The following C12orf56 variants were observed in gnomAD, a reference collection of about 807,000 sequenced individuals.
C12orf56 encodes chromosome 12 open reading frame 56, also known as uncharacterized protein C12orf56.
C12orf56 carries 71 observed loss-of-function variants against 69.9 expected under a neutral mutation model. The ratio of observed to expected loss-of-function variants is 1.02; its 90% CI spans 0.84 to 1.24. The LOEUF (loss-of-function observed/expected upper bound fraction) is 1.24, where lower values mean the gene tolerates loss of function less well. Ranked by LOEUF, C12orf56 falls within the 50% of genes most tolerant of loss-of-function variation. The pLI is 0.00. For synonymous variants in C12orf56, 276 were observed against 274.1 expected (o/e 1.01, Z -0.07); for missense variants, 732 against 738.5 (o/e 0.99, Z 0.10).
chr12:64,311,549 TG>T (rs1302487836), intron 5 of C12orf56, among the ~76,000 whole-genome samples: 1 of 152,012 alleles, frequency 6.6e-6, no homozygotes, highest in Non-Finnish European at 1.5e-5. Flanking sequence ...CTTGATGAGT[TG>T]AAGTTATTCA....
At chr12:64,346,694 G>A (rs988658364) in intron 2 of C12orf56, among the ~76,000 whole-genome samples, 4 of 152,046 alleles carry the variant, frequency 2.6e-5, no homozygotes, top group Admixed American at 2.6e-4. Flanking sequence ...TCACATGATT[G>A]GTTCCTCTGG....
At position 64,266,635 on chromosome 12, in the gene C12orf56, G is replaced by A. The variant is rs1205617347; in HGVS notation, c.*548C>T. The A allele has an allele frequency of 4.7e-6, 4 of 850,702 alleles. No individual in the cohort carries two copies. The highest frequency in any genetic ancestry group is 3.8e-5 in the East Asian group (1 of 26,614). The allele number at this position is 850,702 out of a possible 1,614,324, so 52.7% of individuals were successfully genotyped here. A position where few individuals can be genotyped will look rare whatever the true frequency, so the allele number is the denominator to read the frequency against. On this transcript the variant is annotated 3_prime_UTR_variant, in exon 13 of 13. Coordinates refer to ENST00000543942, the MANE Select transcript of C12orf56 (RefSeq NM_001170633.2). Reference sequence around the variant, plus strand: ...TTTGGATGGCTCTGAGTACAGAATCGGGTGAAGAGCATGCTCCTGTGCCTG... The same window carrying A: ...TTTGGATGGCTCTGAGTACAGAATCAGGTGAAGAGCATGCTCCTGTGCCTG...
intron 2 of C12orf56, among the ~76,000 whole-genome samples, chr12:64,350,947 G>A (rs976338264): frequency 1.3e-5 from 2 of 151,194 alleles, no homozygotes; most frequent in African/African-American, 4.9e-5. Context: ...TTATACATTT[G>A]TCATGAAATT....
At chr12:64,343,087 A>T (rs7485996) in intron 2 of C12orf56, among the ~76,000 whole-genome samples, 1 of 151,978 alleles carries the variant, frequency 6.6e-6, no homozygotes, top group Non-Finnish European at 1.5e-5. Flanking sequence ...CCAAAATTCA[A>T]ATAGGCCCAC....
chr12:64,341,017 G>T (rs943782366), intron 2 of C12orf56, among the ~76,000 whole-genome samples: 1 of 152,188 alleles, frequency 6.6e-6, no homozygotes, highest in Admixed American at 6.5e-5. Context: ...TAACTCCATT[G>T]TGGAGTTGTA....
chr12:64,345,063 GTC>G (rs2039122396), intron 2 of C12orf56, among the ~76,000 whole-genome samples: 1 of 152,028 alleles, frequency 6.6e-6, no homozygotes, highest in Admixed American at 6.6e-5. Context: ...CCATTCCCAT[GTC>G]TGTTCTCCAG....
At chr12:64,314,515 T>G (rs1300744140) in intron 4 of C12orf56, among the ~76,000 whole-genome samples, 3 of 152,262 alleles carry the variant, frequency 2.0e-5, no homozygotes, top group African/African-American at 7.2e-5. Flanking sequence ...ATTTCTCATT[T>G]ATTCTGGGTC....
rs756154476 is a variant in C12orf56, at chr12:64,270,684, C to T, written c.1615G>A (p.Val539Met). Residue 539 changes from valine to methionine, a missense_variant, in exon 12 of 13, where the codon GTG becomes ATG. Val to Met is a conservative substitution (Grantham distance 21, BLOSUM62 1). Coordinates refer to ENST00000543942, the MANE Select transcript of C12orf56 (RefSeq NM_001170633.2). ...AATGAAGCTGAAAGACCCCTCACCA[C>T]TTGTTTCACAATACTGGCCACAAAA... is the stretch of plus-strand genomic sequence containing the variant. ...ITFVASIVKQVVRGLSASFQL... is the reference protein window; with the variant it reads ...ITFVASIVKQMVRGLSASFQL... The T allele has an allele frequency of 8.1e-6, 13 of 1,612,038 alleles. No homozygotes were observed. The South Asian group carries it at 8.8e-5, about 11-fold the overall frequency.
chr12:64,266,551 G>A lies in C12orf56; in HGVS notation c.*632C>T, dbSNP rs910886164. 5.0e-5 allele frequency: 15 copies of A among 302,602 alleles called. No homozygotes were observed. Among genetic ancestry groups the A allele is most frequent in the Non-Finnish European group, 7.4e-5 (11 of 148,774 alleles). 18.7% of individuals were successfully genotyped at this position (302,602 alleles called of 1,614,324 possible). A position where few individuals can be genotyped will look rare whatever the true frequency, so the allele number is the denominator to read the frequency against. ...GTAATTCCAGAAGTGGCGTGGATGC[G>A]CCAGGCCCTGCTGGTGGTGGACATA... On this transcript the variant is annotated 3_prime_UTR_variant, in exon 13 of 13. Transcript: ENST00000543942.
chr12:64,287,261 A>AAG (rs1565739421), intron 6 of C12orf56, among the ~76,000 whole-genome samples: 6 of 67,582 alleles, frequency 8.9e-5, no homozygotes, highest in Admixed American at 1.9e-4. Context: ...AAAAAAAAAA[A>AAG]AAGAAGAAGA....
chr12:64,354,362 C>A (rs1236304506), intron 1 of C12orf56, among the ~76,000 whole-genome samples: 1 of 152,120 alleles, frequency 6.6e-6, no homozygotes, highest in African/African-American at 2.4e-5. Context: ...ATCACTGGAG[C>A]CCAGGAGTTG....
chr12:64,320,294 C>T (rs916688952), intron 3 of C12orf56, among the ~76,000 whole-genome samples: 2 of 152,080 alleles, frequency 1.3e-5, no homozygotes, highest in African/African-American at 4.8e-5. Context: ...ATCTTGGAAG[C>T]GGCCTGCCTT....
At chr12:64,285,098 T>C (rs985028480) in intron 7 of C12orf56, among the ~76,000 whole-genome samples, 23 of 151,452 alleles carry the variant, frequency 1.5e-4, no homozygotes, top group Non-Finnish European at 3.4e-4. Context: ...AAAAGTTAGC[T>C]GAGTGTGGAG....
chr12:64,333,280 C>T (rs988773782), intron 2 of C12orf56, among the ~76,000 whole-genome samples: 13 of 152,110 alleles, frequency 8.5e-5, no homozygotes, highest in Non-Finnish European at 1.8e-4. Context: ...GAAAGGAGGA[C>T]GAGATTACCG....
chr12:64,376,311 T>A (rs1236957696), intron 1 of C12orf56, among the ~76,000 whole-genome samples: 1 of 152,182 alleles, frequency 6.6e-6, no homozygotes, highest in Non-Finnish European at 1.5e-5. Context: ...GAAAATGCTT[T>A]CCAAGAGTTC....
chr12:64,389,951 C>A lies in C12orf56; in HGVS notation c.252+363G>T, dbSNP rs73313818. The stretch of plus-strand genomic sequence containing the variant: ...CTGCTTCTAGGTAGGGGCCCTCTTT[C>A]GTTTTTGCATCCTCCGAGTCTAGCA... On this transcript the variant is annotated intron_variant, in intron 1 of 12. Coordinates refer to ENST00000543942, the MANE Select transcript of C12orf56 (RefSeq NM_001170633.2). Among the ~76,000 whole-genome samples, 65 of 152,256 alleles carry A rather than the reference C, an allele frequency of 4.3e-4. 1 individual carries two copies. The highest frequency in any genetic ancestry group is 1.5e-3 in the African/African-American group (62 of 41,556).
rs73311848 is a variant in C12orf56, at chr12:64,332,560, T to C, written c.416-1528A>G. 1.5e-3 allele frequency among the ~76,000 whole-genome samples: 229 copies of C among 152,318 alleles called. 3 individuals are homozygous for C. The highest frequency in any genetic ancestry group is 5.1e-3 in the African/African-American group (214 of 41,568). ...TGTGATTTCTTCTGTCCTGATTTCTTTGGAGTGCTGCGGGCATTGTATTTG... is the reference window on the plus strand; with the variant it reads ...TGTGATTTCTTCTGTCCTGATTTCTCTGGAGTGCTGCGGGCATTGTATTTG... On this transcript the variant is annotated intron_variant, in intron 2 of 12. Transcript: ENST00000543942.
rs182965030 is a variant in C12orf56, at chr12:64,371,364, C to T, written c.253-18308G>A. 1.9e-3 allele frequency among the ~76,000 whole-genome samples: 292 copies of T among 152,186 alleles called. 4 individuals are homozygous for T. Among genetic ancestry groups the T allele is most frequent in the Admixed American group, 2.1e-3 (32 of 15,272 alleles). On this transcript the variant is annotated intron_variant, in intron 1 of 12. Transcript: ENST00000543942. The stretch of plus-strand genomic sequence containing the variant: ...AGTGAGCCGAAATGGCACTCCTGTG[C>T]GCCAGCCTGGGTGACAGAGTGAGAC...
intron 2 of C12orf56, among the ~76,000 whole-genome samples, chr12:64,340,198 C>T (rs950654856): frequency 1.3e-4 from 20 of 152,010 alleles, no homozygotes; most frequent in African/African-American, 4.1e-4. Context: ...GAGGCTAGAC[C>T]GGTCTCTGTT....
Sources: allele counts gnomAD v4.1 joint callset (sites outside exome capture counted in the v4.1 genomes callset), GRCh38; gene constraint gnomAD v4.1.1; transcripts MANE v1.5; gene names NCBI Gene and HGNC (gene_info 2026-07-23, HGNC 2026-07-21).